The following CLEC17A variants were observed in gnomAD, a reference collection of about 807,000 sequenced individuals.
CLEC17A encodes the protein C-type lectin domain containing 17A, also known as C-type lectin domain family 17, member A.
A neutral mutation model predicts 61.3 loss-of-function variants in CLEC17A; 37 were observed. That is an observed-to-expected ratio of 0.60 (90% CI 0.46 to 0.79). CLEC17A has a LOEUF of 0.79. Ranked by LOEUF, CLEC17A falls within the 30% of genes least tolerant of loss-of-function variation. CLEC17A has a pLI of 0.00. For missense variants in CLEC17A, 418 were observed against 464.7 expected (o/e 0.90, Z 0.92); for synonymous variants, 168 against 164.9 (o/e 1.02, Z -0.14).
chr19:14,601,001 C>T (rs2074700600), intron 12 of CLEC17A, among the ~76,000 whole-genome samples: 2 of 142,570 alleles, frequency 1.4e-5, no homozygotes, highest in East Asian at 4.4e-4. Context: ...CTCCCGGGTT[C>T]AAGCAATTCT....
chr19:14,607,558 TTTA>T (rs1326867957), intron 13 of CLEC17A, among the ~76,000 whole-genome samples: 1 of 141,188 alleles, frequency 7.1e-6, no homozygotes, highest in Non-Finnish European at 1.5e-5. Flanking sequence ...TTATTATTTA[TTTA>T]TTTATTTATT....
In CLEC17A at chr19:14,587,722, G is replaced by A. The variant is rs570526772; in HGVS notation, c.199+31G>A. ...AGGACTTTTTGGAGTGTGACCTGGGGGAATACAGGGAACGGGGTCTCCAGT... is the reference window on the plus strand; with the variant it reads ...AGGACTTTTTGGAGTGTGACCTGGGAGAATACAGGGAACGGGGTCTCCAGT... On this transcript the variant is annotated intron_variant, in intron 3 of 13. Coordinates refer to ENST00000417570, the MANE Select transcript of CLEC17A (RefSeq NM_001204118.2). 49 of 1,609,950 alleles carry A rather than the reference G, an allele frequency of 3.0e-5. 1 individual carries two copies. The South Asian group carries it at 5.2e-4, about 17-fold the overall frequency.
intron 10 of CLEC17A, 67 bp from the exon 11 acceptor site, chr19:14,599,650 G>A: frequency 9.2e-7 from 1 of 1,089,676 alleles, no homozygotes; most frequent in Non-Finnish European, 1.4e-6. Flanking sequence ...TGATGTGTCT[G>A]CAGTCCGTGG....
intron 10 of CLEC17A, among the ~76,000 whole-genome samples, chr19:14,597,597 G>T (rs2074580072): frequency 6.6e-6 from 1 of 152,138 alleles, no homozygotes; most frequent in South Asian, 2.1e-4. Context: ...CGGGTGTGGT[G>T]GTGTGTGGTG....
chr19:14,581,486 G>A (rs1306766107), upstream of CLEC17A, among the ~76,000 whole-genome samples: 2 of 149,742 alleles, frequency 1.3e-5, no homozygotes, highest in Non-Finnish European at 2.9e-5. Flanking sequence ...ATCATGTCCA[G>A]CTATTCTTTT....
chr19:14,581,539 C>T (rs1025169900), upstream of CLEC17A, among the ~76,000 whole-genome samples: 1 of 151,998 alleles, frequency 6.6e-6, no homozygotes. Context: ...ATCATGTTGG[C>T]CAGGCTGGTC....
chr19:14,594,610 C>G (rs762225243), intron 5 of CLEC17A, 22 bp from the exon 6 acceptor site: 24 of 1,613,748 alleles, frequency 1.5e-5, no homozygotes, highest in Non-Finnish European at 1.9e-5. Flanking sequence ...CTGGCCCTGA[C>G]CAACCATTCC....
intron 12 of CLEC17A, among the ~76,000 whole-genome samples, chr19:14,600,463 T>C (rs1381553087): frequency 6.6e-6 from 1 of 152,206 alleles, no homozygotes; most frequent in Non-Finnish European, 1.5e-5. Flanking sequence ...ATCTGTTAGG[T>C]AGCACTTTTT....
At chr19:14,592,706 C>T (rs903730719) in intron 4 of CLEC17A, among the ~76,000 whole-genome samples, 5 of 151,946 alleles carry the variant, frequency 3.3e-5, no homozygotes, top group African/African-American at 1.2e-4. Context: ...CACTCTGTCA[C>T]CCAGGCTGGA....
intron 2 of CLEC17A, 87 bp downstream of exon 2, chr19:14,583,521 T>A: frequency 6.3e-7 from 1 of 1,578,462 alleles, no homozygotes; most frequent in Non-Finnish European, 8.6e-7. Context: ...AGACACATAG[T>A]CAGTCTCCTC....
intron 13 of CLEC17A, among the ~76,000 whole-genome samples, chr19:14,607,601 G>T (rs914307650): frequency 7.6e-5 from 11 of 145,432 alleles, no homozygotes; most frequent in African/African-American, 2.3e-4. Flanking sequence ...TCTTTGAGAC[G>T]GAGTCTCGCT....
chr19:14,607,485 G>A (rs1460031903), intron 13 of CLEC17A, among the ~76,000 whole-genome samples: 1 of 151,814 alleles, frequency 6.6e-6, no homozygotes, highest in Non-Finnish European at 1.5e-5. Flanking sequence ...TTACAGGCGT[G>A]AGCCACCGCG....
chr19:14,609,447 G>C (rs2074991423), intron 13 of CLEC17A, among the ~76,000 whole-genome samples: 2 of 152,148 alleles, frequency 1.3e-5, no homozygotes, highest in Non-Finnish European at 2.9e-5. Flanking sequence ...CTTTAAGCAA[G>C]AGCCCACATG....
chr19:14,610,017 C>T, intron 13 of CLEC17A, 47 bp from the exon 14 acceptor site: 1 of 1,416,784 alleles, frequency 7.1e-7, no homozygotes, highest in Non-Finnish European at 1.0e-6. Flanking sequence ...AAGAGTTTCA[C>T]CACCCTAAAG....
rs748265594 is a variant in CLEC17A, at chr19:14,583,197, C to T, written c.37C>T (p.Pro13Ser). 1 of 1,613,904 alleles carries T rather than the reference C, an allele frequency of 6.2e-7. No individual in the cohort carries two copies. The highest frequency in any genetic ancestry group is 8.5e-7 in the Non-Finnish European group (1 of 1,179,876). Residue 13 changes from proline to serine, a missense_variant, in exon 1 of 14, where the codon CCA (proline) becomes TCA (serine). By Grantham distance (74) the Pro-to-Ser change is moderately conservative. Coordinates refer to ENST00000417570, the MANE Select transcript of CLEC17A (RefSeq NM_001204118.2). ...NLYSITGYPDPPGTMEEEEED... is the reference protein window; with the variant it reads ...NLYSITGYPDSPGTMEEEEED... ...GTATTCCATCACTGGGTACCCGGAC[C>T]CACCAGGTAAGGCCCCGGCCAGGCT...
intron 2 of CLEC17A, among the ~76,000 whole-genome samples, chr19:14,586,343 C>T (rs1334727565): frequency 8.6e-5 from 13 of 151,986 alleles, no homozygotes; most frequent in Admixed American, 1.3e-4. Flanking sequence ...AGGCTGGTCT[C>T]GAACTCCCGA....
chr19:14,606,236 C>T (rs2074864554), intron 12 of CLEC17A, among the ~76,000 whole-genome samples: 1 of 151,918 alleles, frequency 6.6e-6, no homozygotes, highest in Non-Finnish European at 1.5e-5. Flanking sequence ...CTAAGACGTC[C>T]ACAGTATGAG....
At chr19:14,582,764 C>A (rs563808089), upstream of CLEC17A, among the ~76,000 whole-genome samples, 1 of 152,122 alleles carries the variant, frequency 6.6e-6, no homozygotes, top group East Asian at 1.9e-4. Flanking sequence ...CCTGCCACTG[C>A]GCCTGGCTAA....
intron 11 of CLEC17A, 106 bp downstream of exon 11, chr19:14,599,918 C>T: frequency 6.7e-7 from 1 of 1,497,848 alleles, no homozygotes; most frequent in East Asian, 2.3e-5. Flanking sequence ...TGAATGGTGC[C>T]CCTCCCCCTC....
Sources: allele counts gnomAD v4.1 joint callset (sites outside exome capture counted in the v4.1 genomes callset), GRCh38; gene constraint gnomAD v4.1.1; transcripts MANE v1.5; gene names NCBI Gene and HGNC (gene_info 2026-07-23, HGNC 2026-07-21).